TRIM66: variants seen among roughly 807,000 people sequenced by gnomAD.
The protein encoded by TRIM66 is tripartite motif-containing protein 66.
Under a neutral mutation model 148.2 loss-of-function variants are expected in TRIM66, and 99 were observed. The observed-to-expected ratio is 0.67, with a 90% confidence interval of 0.57 to 0.79. The LOEUF (loss-of-function observed/expected upper bound fraction) is 0.79, where lower values mean the gene tolerates loss of function less well. Among genes scored for constraint, TRIM66 ranks in the 30% least tolerant of loss-of-function variants. The probability of loss-of-function intolerance (pLI) is 0.00; values close to 1 mark genes in which losing one functional copy is unlikely to be tolerated. For missense variants in TRIM66, 1,666 were observed against 1,697.9 expected, an observed-to-expected ratio of 0.98 and a Z score of 0.33; for synonymous variants, 616 against 635.9, an observed-to-expected ratio of 0.97 and a Z score of 0.47.
intron 15 of TRIM66, among the ~76,000 whole-genome samples, chr11:8,628,101 G>T (rs1025785752): frequency 2.6e-5 from 4 of 151,998 alleles, no homozygotes; most frequent in African/African-American, 9.7e-5. Flanking sequence ...CAAAGTGCTG[G>T]GATTACAGGC....
chr11:8,619,670 A>T, intron 22 of TRIM66, 135 bp from the exon 23 acceptor site: 1 of 928,946 alleles, frequency 1.1e-6, no homozygotes, highest in Non-Finnish European at 1.6e-6. Context: ...GATGAGGAGC[A>T]GCAGGAAGAA....
chr11:8,646,177 T>G (rs2036830002), intron 11 of TRIM66, among the ~76,000 whole-genome samples: 1 of 152,218 alleles, frequency 6.6e-6, no homozygotes, highest in Non-Finnish European at 1.5e-5. Context: ...GTTTGTTTCA[T>G]GACTTTCTCT....
At chr11:8,671,259 T>C (rs1039947435) in intron 6 of TRIM66, among the ~76,000 whole-genome samples, 4 of 152,202 alleles carry the variant, frequency 2.6e-5, no homozygotes, top group African/African-American at 4.8e-5. Context: ...GCTAGAATAA[T>C]AAAATGAAGT....
intron 6 of TRIM66, among the ~76,000 whole-genome samples, chr11:8,662,295 A>C (rs994808158): frequency 1.3e-5 from 2 of 152,064 alleles, no homozygotes; most frequent in African/African-American, 4.8e-5. Flanking sequence ...CCCACCCAAG[A>C]CCATTAGAAC....
chr11:8,646,061 G>A (rs1008625803), intron 11 of TRIM66, among the ~76,000 whole-genome samples, 174 bp from the exon 12 acceptor site: 6 of 152,146 alleles, frequency 3.9e-5, no homozygotes, highest in African/African-American at 1.4e-4. Flanking sequence ...AAAGGGGAGG[G>A]GGAGATGGTG....
At chr11:8,628,360 C>T (rs2035052965) in intron 15 of TRIM66, among the ~76,000 whole-genome samples, 3 of 151,838 alleles carry the variant, frequency 2.0e-5, no homozygotes, top group Admixed American at 2.0e-4. Flanking sequence ...CACCTGTAAT[C>T]CCAGCACTTT....
chr11:8,647,091 T>TAATATAATGTTTATTATAAAC (rs2036925062), intron 10 of TRIM66, among the ~76,000 whole-genome samples: 2 of 26,030 alleles, frequency 7.7e-5, no homozygotes, highest in East Asian at 5.4e-4. Context: ...ACAATAAACA[T>TAATATAATGTTTATTATAAAC]ATAATATAAT....
At chr11:8,658,683 ACT>A in intron 6 of TRIM66, 1 of 794,476 alleles carries the variant, frequency 1.3e-6, no homozygotes, top group Non-Finnish European at 1.5e-6. Context: ...AAGTTGACAC[ACT>A]CTGTCAGCCC....
In TRIM66 at chr11:8,671,966, G is replaced by GT. The variant is rs995918295; in HGVS notation, c.159dup (p.His54ThrfsTer4). On this transcript the variant is annotated frameshift_variant, in exon 6 of 25. Coordinates refer to ENST00000646038, the MANE Select transcript of TRIM66 (RefSeq NM_001388022.1). LOFTEE classifies it high-confidence loss of function. ...TCCATCTGTCCACTCTTAGGGCAGT[G>GT]TTTCTGGCCAGCTAGTGGCAGCCCC... is the stretch of plus-strand genomic sequence containing the variant. 8 of 1,536,026 alleles carry GT rather than the reference G, an allele frequency of 5.2e-6. No individual in the cohort carries two copies. The highest frequency in any genetic ancestry group is 1.4e-5 in the African/African-American group (1 of 73,056).
chr11:8,652,183 C>T (rs2037416903), intron 6 of TRIM66, among the ~76,000 whole-genome samples: 1 of 151,876 alleles, frequency 6.6e-6, no homozygotes, highest in South Asian at 2.1e-4. Context: ...TACTACAGGC[C>T]CAACGCTGCT....
intron 14 of TRIM66, 47 bp from the exon 15 acceptor site, chr11:8,638,862 TAGC>T (rs1485437720): frequency 3.1e-5 from 47 of 1,531,650 alleles, no homozygotes; most frequent in South Asian, 3.7e-5. Context: ...GCAGACAGCG[TAGC>T]AGCAGCAGCA....
Position 8,621,334 on chromosome 11 carries a change from G to GT in TRIM66, c.3256-14dup, listed in dbSNP as rs2034193689. The GT allele has an allele frequency of 1.9e-6, 3 of 1,545,924 alleles. No homozygotes were observed. The highest frequency in any genetic ancestry group is 2.6e-6 in the Non-Finnish European group (3 of 1,143,810). On this transcript the variant is annotated splice_polypyrimidine_tract_variant and intron_variant, in intron 19 of 24. Coordinates refer to ENST00000646038, the MANE Select transcript of TRIM66 (RefSeq NM_001388022.1). ...TGTCCTGGCTGACCTTGGGGAAGAA[G>GT]TAAGTCTGGGCAGCCAGAGCACAGA...
At chr11:8,683,168 C>A (rs1480703448), upstream of TRIM66, 3 of 1,608,256 alleles carry the variant, frequency 1.9e-6, no homozygotes, top group Admixed American at 3.3e-5. Context: ...GCCCCTAATT[C>A]CTTAGGCCTT....
intron 6 of TRIM66, among the ~76,000 whole-genome samples, chr11:8,652,845 T>TA (rs1369227148): frequency 1.3e-5 from 2 of 152,338 alleles, no homozygotes; most frequent in East Asian, 3.9e-4. Flanking sequence ...GAAAGAATGA[T>TA]ATGATGGCAG....
intron 20 of TRIM66, 61 bp downstream of exon 20, chr11:8,620,971 T>A (rs538218084): frequency 6.6e-7 from 1 of 1,508,404 alleles, no homozygotes; most frequent in Admixed American, 2.1e-5. Flanking sequence ...TGGCCTGGAA[T>A]AATCATCCCT....
At position 8,682,594 on chromosome 11, in the gene TRIM66, G is replaced by T; in HGVS notation, c.-548+7C>A. On this transcript the variant is annotated splice_region_variant and intron_variant, in intron 1 of 24. Transcript: ENST00000646038. ...TCGCCCTCCGAGCCTAGCACAACGA[G>T]CCTCACCGAAACCGTACACCGCCAC... 1 of 607,598 alleles carries T rather than the reference G, an allele frequency of 1.6e-6. No individual in the cohort carries two copies. Among genetic ancestry groups the T allele is most frequent in the Non-Finnish European group, 2.9e-6 (1 of 339,320 alleles). 37.6% of individuals were successfully genotyped at this position (607,598 alleles called of 1,614,324 possible). A position where few individuals can be genotyped will look rare whatever the true frequency, so the allele number is the denominator to read the frequency against.
intron 17 of TRIM66, among the ~76,000 whole-genome samples, chr11:8,623,656 T>G (rs2141869236): frequency 1.3e-5 from 2 of 152,230 alleles, no homozygotes; most frequent in Admixed American, 1.3e-4. Flanking sequence ...CATCAGGAAG[T>G]CGCTTCCTGA....
At position 8,619,387 on chromosome 11, in the gene TRIM66, T is replaced by C; in HGVS notation, c.3896A>G (p.Asn1299Ser). 2.0e-6 allele frequency: 3 copies of C among 1,492,348 alleles called. No individual in the cohort carries two copies. Among genetic ancestry groups the C allele is most frequent in the Non-Finnish European group, 1.8e-6 (2 of 1,117,652 alleles). The allele number at this position is 1,492,348 out of a possible 1,614,324, so 92.4% of individuals were successfully genotyped here. Residue 1299 changes from asparagine to serine, a missense_variant, in exon 23 of 25, where the codon AAT becomes AGT. By Grantham distance (46) the Asn-to-Ser change is conservative. Coordinates refer to ENST00000646038, the MANE Select transcript of TRIM66 (RefSeq NM_001388022.1). ...GGGAAAACAGGCAAGACATACATAA[T>C]TGAACTTAGCACAGTTCCAGAACAT... is the stretch of plus-strand genomic sequence containing the variant. Reference protein sequence around the residue: ...RLMFWNCAKFNYPDSEVAEAG... With the variant: ...RLMFWNCAKFSYPDSEVAEAG...
At chr11:8,680,842 TGAAAA>T (rs2039379367) in intron 1 of TRIM66, 1 of 152,154 alleles carries the variant, frequency 6.6e-6, no homozygotes. Context: ...TGGAAGAACC[TGAAAA>T]GAAGACTGAA....
Sources: allele counts gnomAD v4.1 joint callset (sites outside exome capture counted in the v4.1 genomes callset), GRCh38; gene constraint gnomAD v4.1.1; transcripts MANE v1.5; gene names NCBI Gene and HGNC (gene_info 2026-07-23, HGNC 2026-07-21).